DCP2: variants seen among roughly 807,000 people sequenced by gnomAD.
DCP2 encodes decapping mRNA 2, also known as m7GpppN-mRNA hydrolase.
Under a neutral mutation model 56.1 loss-of-function variants are expected in DCP2, and 30 were observed. The observed-to-expected ratio is 0.53, with a 90% CI of 0.40 to 0.73. The LOEUF (loss-of-function observed/expected upper bound fraction) is 0.73, where lower values mean the gene tolerates loss of function less well. Ranked by LOEUF, DCP2 falls within the 30% of genes least tolerant of loss-of-function variation. DCP2 has a pLI of 0.00. For synonymous variants in DCP2, 197 were observed against 163.3 expected (o/e 1.21, Z -1.57); for missense variants, 533 against 502.7 (o/e 1.06, Z -0.58).
intron 1 of DCP2, among the ~76,000 whole-genome samples, chr5:112,979,522 T>A (rs1406332418): frequency 6.6e-6 from 1 of 152,220 alleles, no homozygotes; most frequent in East Asian, 1.9e-4. Context: ...AGGTGCTTGT[T>A]TTTACTCCCT....
intron 9 of DCP2, among the ~76,000 whole-genome samples, chr5:113,010,314 G>A (rs772180331): frequency 4.0e-5 from 6 of 150,824 alleles, no homozygotes; most frequent in Non-Finnish European, 8.8e-5. Context: ...CCAAAGTGCT[G>A]GGATTACAGC....
At chr5:112,989,353 A>G (rs1466365925) in intron 2 of DCP2, among the ~76,000 whole-genome samples, 1 of 152,094 alleles carries the variant, frequency 6.6e-6, no homozygotes, top group Non-Finnish European at 1.5e-5. Context: ...AGAAACACAT[A>G]TATTTGTACA....
At chr5:112,997,304 C>G (rs1208887670) in intron 4 of DCP2, among the ~76,000 whole-genome samples, 2 of 152,166 alleles carry the variant, frequency 1.3e-5, no homozygotes, top group Non-Finnish European at 2.9e-5. Context: ...ATAATAATCT[C>G]AATTGTATTT....
intron 1 of DCP2, among the ~76,000 whole-genome samples, chr5:112,979,950 C>G (rs189997896): frequency 1.3e-5 from 2 of 152,166 alleles, no homozygotes; most frequent in African/African-American, 4.8e-5. Context: ...GAATATGCGC[C>G]AAACTGATAA....
chr5:112,989,727 A>T (rs1420663781), intron 2 of DCP2, among the ~76,000 whole-genome samples: 1 of 152,174 alleles, frequency 6.6e-6, no homozygotes, highest in East Asian at 1.9e-4. Context: ...GTTTTCCTAC[A>T]TTTGCTTATT....
intron 4 of DCP2, among the ~76,000 whole-genome samples, chr5:112,993,562 G>A (rs1013057141): frequency 1.1e-4 from 17 of 148,298 alleles, no homozygotes; most frequent in Admixed American, 1.1e-3. Flanking sequence ...GGAGGCAGAG[G>A]TTGCGGTGAG....
intron 1 of DCP2, among the ~76,000 whole-genome samples, chr5:112,981,931 A>AT (rs1488260389): frequency 1.3e-5 from 2 of 151,774 alleles, no homozygotes; most frequent in East Asian, 3.9e-4. Flanking sequence ...CCACCACACC[A>AT]TTTTTTATAT....
chr5:113,007,866 T>C (rs1230631720), intron 8 of DCP2, 72 bp from the exon 9 acceptor site: 4 of 1,343,982 alleles, frequency 3.0e-6, no homozygotes, highest in South Asian at 1.4e-5. Flanking sequence ...GCTAAACATA[T>C]TCATGGGGTA....
In DCP2 at chr5:113,021,871, C is replaced by A. The variant is rs1750159564; in HGVS notation, c.*8387C>A. On this transcript the variant is annotated 3_prime_UTR_variant, in exon 11 of 11. Transcript: ENST00000389063. ...TTTCTTTAAGAGGGGAAAAGACTCT[C>A]TTCAATAGATAACTTCCTATTTATG... 6.6e-6 allele frequency among the ~76,000 whole-genome samples: 1 copy of A among 152,200 alleles called. No homozygotes were observed. Among genetic ancestry groups the A allele is most frequent in the East Asian group, 1.9e-4 (1 of 5,194 alleles).
At chr5:113,009,914 T>G (rs1458528384) in intron 9 of DCP2, among the ~76,000 whole-genome samples, 1 of 145,628 alleles carries the variant, frequency 6.9e-6, no homozygotes, top group Non-Finnish European at 1.5e-5. Flanking sequence ...GAATAATCTT[T>G]TTTTTCCTTT....
intron 1 of DCP2, among the ~76,000 whole-genome samples, chr5:112,983,043 A>G (rs1483347790): frequency 2.0e-5 from 3 of 152,104 alleles, no homozygotes; most frequent in African/African-American, 7.2e-5. Context: ...ATCAGTGTTG[A>G]TTAATCAAGT....
At chr5:113,005,391 G>A (rs1459874393) in intron 8 of DCP2, among the ~76,000 whole-genome samples, 1 of 146,088 alleles carries the variant, frequency 6.8e-6, no homozygotes, top group African/African-American at 2.8e-5. Context: ...TATGCAAATG[G>A]CTCAACATTA....
At chr5:112,989,468 T>G (rs1353078755) in intron 2 of DCP2, among the ~76,000 whole-genome samples, 2 of 151,808 alleles carry the variant, frequency 1.3e-5, no homozygotes, top group African/African-American at 4.8e-5. Context: ...AGAAGCCTTC[T>G]CTGAGATAGT....
intron 2 of DCP2, among the ~76,000 whole-genome samples, chr5:112,989,884 TAGAAG>T (rs1322944994): frequency 1.3e-5 from 2 of 152,114 alleles, no homozygotes; most frequent in African/African-American, 2.4e-5. Context: ...TAGAAATGAA[TAGAAG>T]AGATCAAATT....
chr5:112,998,533 T>C (rs1262448958), intron 4 of DCP2, among the ~76,000 whole-genome samples: 2 of 152,206 alleles, frequency 1.3e-5, no homozygotes, highest in African/African-American at 4.8e-5. Context: ...GCGTTATTCA[T>C]TACTAAATTC....
At chr5:112,998,281 G>A (rs1397953170) in intron 4 of DCP2, among the ~76,000 whole-genome samples, 2 of 152,066 alleles carry the variant, frequency 1.3e-5, no homozygotes, top group Non-Finnish European at 2.9e-5. Context: ...GCCATTCCTG[G>A]CTATCTAAAC....
intron 4 of DCP2, among the ~76,000 whole-genome samples, chr5:112,993,368 C>T (rs1222034146): frequency 2.0e-5 from 3 of 152,088 alleles, no homozygotes; most frequent in Non-Finnish European, 2.9e-5. Context: ...GGCACGGTGG[C>T]TCACGCCTGA....
At chr5:112,978,125 C>A (rs1205436658) in intron 1 of DCP2, among the ~76,000 whole-genome samples, 1 of 151,906 alleles carries the variant, frequency 6.6e-6, no homozygotes, top group Non-Finnish European at 1.5e-5. Flanking sequence ...TACAGGCACC[C>A]GCCACCACAC....
chr5:112,991,505 T>C (rs1015494542), intron 2 of DCP2, among the ~76,000 whole-genome samples: 3 of 152,198 alleles, frequency 2.0e-5, no homozygotes, highest in African/African-American at 4.8e-5. Flanking sequence ...TTTGCCTTTC[T>C]CTGTAATCCT....
Sources: allele counts gnomAD v4.1 joint callset (sites outside exome capture counted in the v4.1 genomes callset), GRCh38; gene constraint gnomAD v4.1.1; transcripts MANE v1.5; gene names NCBI Gene and HGNC (gene_info 2026-07-23, HGNC 2026-07-21).